The following FRYL variants were observed in gnomAD, a reference collection of about 807,000 sequenced individuals.
FRYL encodes FRY like transcription coactivator.
Under a neutral mutation model 351.2 loss-of-function variants are expected in FRYL, and 150 were observed. The ratio of observed to expected loss-of-function variants is 0.43; its 90% CI spans 0.37 to 0.49. The LOEUF (loss-of-function observed/expected upper bound fraction) is 0.49. Among genes scored for constraint, FRYL ranks in the 20% least tolerant of loss-of-function variants. FRYL has a pLI of 0.00. For synonymous variants in FRYL, 1,153 were observed against 1,257.1 expected (o/e 0.92, Z 1.75); for missense variants, 3,036 against 3,619.3 (o/e 0.84, Z 4.13).
At chr4:48,603,410 C>T in intron 11 of FRYL, 22 bp from the exon 12 acceptor site, 1 of 1,386,342 alleles carries the variant, frequency 7.2e-7, no homozygotes, top group Non-Finnish European at 1.0e-6. Flanking sequence ...ATAATGCAAA[C>T]AAAGAAAATG....
At chr4:48,634,206 AT>A (rs1486572759) in intron 4 of FRYL, 84 bp downstream of exon 4, 2 of 992,740 alleles carry the variant, frequency 2.0e-6, no homozygotes, top group Admixed American at 3.9e-5. Context: ...TTTCAAGTAT[AT>A]TATTTCCTTT....
intron 1 of FRYL, among the ~76,000 whole-genome samples, chr4:48,757,600 C>A (rs1028794350): frequency 6.6e-6 from 1 of 152,136 alleles, no homozygotes; most frequent in Non-Finnish European, 1.5e-5. Context: ...AGGATACAAA[C>A]AAATGGAAGA....
Position 48,775,761 on chromosome 4 carries a change from T to C in FRYL, c.-384+4317A>G, listed in dbSNP as rs188738108. On this transcript the variant is annotated intron_variant, in intron 1 of 63. Coordinates refer to ENST00000358350, the MANE Select transcript of FRYL (RefSeq NM_015030.2). ...GAAATTAAAGTATGTACTCCAAAAA[T>C]ATTCTGGGGTAAAGGCAGATAAACT... Among the ~76,000 whole-genome samples the C allele has an allele frequency of 1.8e-4, 27 of 152,252 alleles. No homozygotes were observed. The East Asian group carries it at 4.6e-3, about 26-fold the overall frequency.
intron 2 of FRYL, among the ~76,000 whole-genome samples, chr4:48,703,591 A>G (rs1002584733): frequency 6.6e-6 from 1 of 152,144 alleles, no homozygotes; most frequent in African/African-American, 2.4e-5. Context: ...AAGCTGCCAC[A>G]CTGACTTTTT....
At chr4:48,571,785 TTTGG>T in intron 26 of FRYL, 1 of 976,138 alleles carries the variant, frequency 1.0e-6, no homozygotes, top group African/African-American at 1.7e-5. Flanking sequence ...GCTTTTGCAG[TTTGG>T]TTGGCCTGTT....
At chr4:48,650,052 TCTTTTTTTATAAAGGCTATTAATAA>T (rs1189339949) in intron 3 of FRYL, among the ~76,000 whole-genome samples, 1 of 152,146 alleles carries the variant, frequency 6.6e-6, no homozygotes, top group African/African-American at 2.4e-5. Context: ...ATTTTTCATT[TCTTTTTTTATAAAGGCTATTAATAA>T]ATCAAGTTTT....
intron 1 of FRYL, among the ~76,000 whole-genome samples, chr4:48,726,705 A>C (rs2149617963): frequency 6.6e-6 from 1 of 152,164 alleles, no homozygotes; most frequent in Non-Finnish European, 1.5e-5. Flanking sequence ...CAAACAAACA[A>C]AAAACTTCCA....
rs570490606 is a variant in FRYL, at chr4:48,770,110, T to A, written c.-384+9968A>T. Among the ~76,000 whole-genome samples the A allele has an allele frequency of 9.8e-5, 15 of 152,330 alleles. No homozygotes were observed. The East Asian group carries it at 2.9e-3, about 29-fold the overall frequency. On this transcript the variant is annotated intron_variant, in intron 1 of 63. Transcript: ENST00000358350. ...ATACAAATGAGCACATTAAAGAACA[T>A]GAAATCTGAATATTAACGATATTGT...
At chr4:48,635,237 T>C (rs1203486218) in intron 3 of FRYL, among the ~76,000 whole-genome samples, 2 of 152,160 alleles carry the variant, frequency 1.3e-5, no homozygotes, top group Non-Finnish European at 2.9e-5. Context: ...AGCATTAATA[T>C]GGAGAGGGAT....
chr4:48,657,353 C>CT (rs371640944), intron 3 of FRYL, among the ~76,000 whole-genome samples: 58,454 of 122,198 alleles, frequency 0.48, 14,565 homozygotes, highest in Admixed American at 0.57. Context: ...CTTTTCTTTT[C>CT]TTTTTTTTTT....
Position 48,540,951 on chromosome 4 carries a change from A to G in FRYL, c.5697T>C (p.Tyr1899=), listed in dbSNP as rs772292069. 2 of 1,559,222 alleles carry G rather than the reference A, an allele frequency of 1.3e-6. No homozygotes were observed. The change falls in exon 46 of 64, where the codon TAT becomes TAC. Residue 1899 remains tyrosine, a synonymous_variant. Transcript: ENST00000358350. ...DLLSALSQTS[Y]HDPIMGNKYA... is the part of the protein sequence containing the mutation. The stretch of plus-strand genomic sequence containing the variant: ...ACTTGTTTCCCATTATAGGATCATG[A>G]TATGAGGTTCTTAAAAAAAAGAAAG...
chr4:48,542,491 A>G (rs1330831201), intron 44 of FRYL, among the ~76,000 whole-genome samples: 4 of 152,214 alleles, frequency 2.6e-5, no homozygotes, highest in Admixed American at 6.5e-5. Flanking sequence ...ATCTTGGCTC[A>G]ATGCAACCTC....
intron 45 of FRYL, 103 bp downstream of exon 45, chr4:48,541,924 A>T (rs1285952720): frequency 1.3e-6 from 1 of 767,718 alleles, no homozygotes; most frequent in Non-Finnish European, 2.2e-6. Flanking sequence ...TAATTTGGGC[A>T]GTATTGTGCT....
intron 1 of FRYL, among the ~76,000 whole-genome samples, chr4:48,762,790 T>A (rs1210821066): frequency 6.6e-6 from 1 of 152,228 alleles, no homozygotes; most frequent in Non-Finnish European, 1.5e-5. Flanking sequence ...TTTTTGCATG[T>A]CTCATTTTTA....
At chr4:48,557,179 T>A in intron 34 of FRYL, 61 bp from the exon 35 acceptor site, 1 of 1,521,912 alleles carries the variant, frequency 6.6e-7, no homozygotes, top group Non-Finnish European at 8.9e-7. Flanking sequence ...AAACCAAACT[T>A]GTCATACCAT....
intron 26 of FRYL, chr4:48,571,779 T>C: frequency 1.0e-6 from 1 of 974,264 alleles, no homozygotes; most frequent in Non-Finnish European, 1.2e-6. Context: ...CAACTGGCTT[T>C]TGCAGTTTGG....
chr4:48,579,186 T>C lies in FRYL; in HGVS notation c.2315A>G (p.Asn772Ser), dbSNP rs1333797921. 6.2e-7 allele frequency: 1 copy of C among 1,613,440 alleles called. No individual in the cohort carries two copies. Among genetic ancestry groups the C allele is most frequent in the Admixed American group, 1.7e-5 (1 of 59,980 alleles). Residue 772 changes from asparagine (N) to serine (S), a missense_variant, in exon 23 of 64, where the codon AAC becomes AGC. Coordinates refer to ENST00000358350, the MANE Select transcript of FRYL (RefSeq NM_015030.2). ...AAACTGGTGGCTAATAGGAGAAGAG[T>C]TCCATTCTGCTAAAGTTTGTAAATC... ...SIDLQTLAEWNSSPISHQFDV... is the reference protein window; with the variant it reads ...SIDLQTLAEWSSSPISHQFDV...
chr4:48,734,734 G>A (rs1235694831), intron 1 of FRYL, among the ~76,000 whole-genome samples: 10 of 152,020 alleles, frequency 6.6e-5, no homozygotes, highest in Admixed American at 3.9e-4. Context: ...TGTAAGGAAG[G>A]GATCCAGTTT....
In FRYL at chr4:48,765,594, A is replaced by AT. The variant is rs1421069217; in HGVS notation, c.-384+14483dup. On this transcript the variant is annotated intron_variant, in intron 1 of 63. Coordinates refer to ENST00000358350, the MANE Select transcript of FRYL (RefSeq NM_015030.2). ...CTCCATGACACTGGTCTTGGCAATGATTTTTTTTTTGGATTTGACACCAAA... is the reference window on the plus strand; with the variant it reads ...CTCCATGACACTGGTCTTGGCAATGATTTTTTTTTTTGGATTTGACACCAAA... Among the ~76,000 whole-genome samples, 68 of 150,348 alleles carry AT rather than the reference A, an allele frequency of 4.5e-4. 1 individual carries two copies. Among genetic ancestry groups the AT allele is most frequent in the Admixed American group, 1.6e-3 (24 of 15,082 alleles).
Sources: allele counts gnomAD v4.1 joint callset (sites outside exome capture counted in the v4.1 genomes callset), GRCh38; gene constraint gnomAD v4.1.1; transcripts MANE v1.5; gene names NCBI Gene and HGNC (gene_info 2026-07-23, HGNC 2026-07-21).